TBC1D5: variants seen among roughly 807,000 people sequenced by gnomAD.
The protein encoded by TBC1D5 is TBC1 domain family, member 5.
TBC1D5 carries 75 observed loss-of-function variants against 100.3 expected under a neutral mutation model. The ratio of observed to expected loss-of-function variants is 0.75; its 90% CI spans 0.62 to 0.91. The LOEUF is 0.91. TBC1D5 is among the 40% of genes least tolerant of loss of function. The probability of loss-of-function intolerance (pLI) is 0.00; values close to 1 mark genes in which losing one functional copy is unlikely to be tolerated. For synonymous variants in TBC1D5, 323 were observed against 325.6 expected (o/e 0.99, Z 0.09); for missense variants, 910 against 942.4 (o/e 0.97, Z 0.45).
At chr3:17,206,066 T>C (rs1458222855) in intron 18 of TBC1D5, among the ~76,000 whole-genome samples, 1 of 152,176 alleles carries the variant, frequency 6.6e-6, no homozygotes, top group Non-Finnish European at 1.5e-5. Flanking sequence ...AGAACTCCTA[T>C]AGAAGGTATT....
intron 4 of TBC1D5, among the ~76,000 whole-genome samples, chr3:17,407,865 C>A (rs1470483827): frequency 2.0e-5 from 3 of 152,096 alleles, no homozygotes; most frequent in African/African-American, 7.2e-5. Context: ...ATTTCTATCA[C>A]CACTCCACAA....
chr3:17,277,526 GTATATCAATT>G (rs1234493531), intron 15 of TBC1D5, among the ~76,000 whole-genome samples: 1 of 152,144 alleles, frequency 6.6e-6, no homozygotes, highest in Non-Finnish European at 1.5e-5. Context: ...CTAATTAACA[GTATATCAATT>G]TTCAAACTCG....
Position 17,398,297 on chromosome 3 carries a change from T to C in TBC1D5, c.509+4884A>G, listed in dbSNP as rs543776649. On this transcript the variant is annotated intron_variant, in intron 8 of 21. Coordinates refer to ENST00000253692, the Ensembl canonical transcript of TBC1D5. The stretch of plus-strand genomic sequence containing the variant: ...ATAAAGAACAATTAATTGAAATGAT[T>C]GCAAAACGCTTTGAGGCAAAAAAGG... 3.3e-5 allele frequency among the ~76,000 whole-genome samples: 5 copies of C among 152,242 alleles called. No homozygotes were observed. The South Asian group carries it at 8.3e-4, about 25-fold the overall frequency.
At chr3:17,210,896 AT>A (rs1035906370) in intron 18 of TBC1D5, among the ~76,000 whole-genome samples, 1 of 151,314 alleles carries the variant, frequency 6.6e-6, no homozygotes, top group Non-Finnish European at 1.5e-5. Context: ...TTCAGGGGAG[AT>A]TTCCTCCACT....
chr3:17,596,340 A>G (rs796694307), intron 2 of TBC1D5, among the ~76,000 whole-genome samples: 6 of 126,496 alleles, frequency 4.7e-5, no homozygotes, highest in African/African-American at 1.8e-4. Flanking sequence ...TTTTTTCCGG[A>G]GACACAGTCT....
chr3:17,228,691 CT>C (rs34658453), intron 17 of TBC1D5, among the ~76,000 whole-genome samples: 5,560 of 143,702 alleles, frequency 0.039, 280 homozygotes, highest in African/African-American at 0.13. Context: ...GAGAAGTTAT[CT>C]TTTTTTTTTT....
At chr3:17,524,713 A>T (rs192929363) in intron 2 of TBC1D5, 5 of 152,164 alleles carry the variant, frequency 3.3e-5, no homozygotes, top group Non-Finnish European at 7.4e-5. Context: ...ACAAAAAAAA[A>T]ATTAGCCAGA....
chr3:17,556,702 GATAAT>G (rs781236767), intron 2 of TBC1D5, among the ~76,000 whole-genome samples: 3 of 152,096 alleles, frequency 2.0e-5, no homozygotes, highest in Non-Finnish European at 4.4e-5. Flanking sequence ...TTCAAATTTT[GATAAT>G]ATAATTATTT....
intron 1 of TBC1D5, among the ~76,000 whole-genome samples, chr3:17,650,662 T>A (rs2153717673): frequency 6.6e-6 from 1 of 152,310 alleles, no homozygotes; most frequent in Non-Finnish European, 1.5e-5. Context: ...AGTGGCTCTG[T>A]ATTGATGAAA....
chr3:17,178,608 G>A (rs1468216073), intron 19 of TBC1D5, among the ~76,000 whole-genome samples: 1 of 152,020 alleles, frequency 6.6e-6, no homozygotes, highest in Non-Finnish European at 1.5e-5. Context: ...TATAGTAGCT[G>A]TACCAATTTA....
intron 18 of TBC1D5, among the ~76,000 whole-genome samples, chr3:17,190,367 T>C (rs1360570450): frequency 6.6e-6 from 1 of 152,122 alleles, no homozygotes; most frequent in Non-Finnish European, 1.5e-5. Context: ...AATTTGTGTA[T>C]GTGGAAAGGA....
chr3:17,409,437 G>A (rs1020603458), intron 4 of TBC1D5, among the ~76,000 whole-genome samples: 7 of 151,974 alleles, frequency 4.6e-5, no homozygotes, highest in Admixed American at 2.6e-4. Context: ...CAATGGCCTC[G>A]TACTGTTCGA....
chr3:17,162,987 A>G (rs2066223033), intron 21 of TBC1D5, among the ~76,000 whole-genome samples: 1 of 152,198 alleles, frequency 6.6e-6, no homozygotes, highest in African/African-American at 2.4e-5. Flanking sequence ...AAAATAAAAG[A>G]GCATGTTTAG....
At chr3:17,693,262 G>A (rs2071439569) in intron 1 of TBC1D5, among the ~76,000 whole-genome samples, 1 of 152,242 alleles carries the variant, frequency 6.6e-6, no homozygotes, top group Non-Finnish European at 1.5e-5. Context: ...CGGAAGGCAA[G>A]CTGAAGCAGG....
At chr3:17,217,363 ATTG>A (rs574878829) in intron 17 of TBC1D5, among the ~76,000 whole-genome samples, 80 of 152,192 alleles carry the variant, frequency 5.3e-4, no homozygotes, top group Middle Eastern at 3.4e-3. Flanking sequence ...ATGTGGACAT[ATTG>A]TTTCCCTTTG....
chr3:17,333,228 C>T (rs915153777), intron 13 of TBC1D5: 6 of 152,282 alleles, frequency 3.9e-5, no homozygotes, highest in African/African-American at 1.4e-4. Flanking sequence ...AACCAATTAC[C>T]ACTAATCTTG....
intron 21 of TBC1D5, among the ~76,000 whole-genome samples, chr3:17,161,621 G>A (rs1392895680): frequency 6.6e-6 from 1 of 152,206 alleles, no homozygotes; most frequent in African/African-American, 2.4e-5. Flanking sequence ...GTGGGACCCT[G>A]CCATGCAAAT....
At chr3:17,682,410 T>C (rs1449642521) in intron 1 of TBC1D5, among the ~76,000 whole-genome samples, 2 of 151,496 alleles carry the variant, frequency 1.3e-5, no homozygotes, top group Non-Finnish European at 2.9e-5. Flanking sequence ...ACCTTGAAAA[T>C]AGGTTCCAAA....
At chr3:17,341,127 A>G (rs1421906665) in intron 13 of TBC1D5, among the ~76,000 whole-genome samples, 2 of 152,228 alleles carry the variant, frequency 1.3e-5, no homozygotes, top group Non-Finnish European at 2.9e-5. Context: ...GCTATACTAA[A>G]TAACAATGGC....
Sources: gnomAD v4.1 joint callset for allele counts (sites outside exome capture counted in the v4.1 genomes callset) on GRCh38, gnomAD v4.1.1 for gene constraint, MANE v1.5 for transcripts, NCBI Gene and HGNC (gene_info 2026-07-23, HGNC 2026-07-21) for gene names.